The following FSTL5 variants were observed in gnomAD, a reference collection of about 807,000 sequenced individuals.
FSTL5 encodes the protein follistatin like 5, also known as follistatin-related protein 5.
In FSTL5, 62 loss-of-function variants were observed where a neutral mutation model predicts 89.1. That is an observed-to-expected ratio of 0.70 (90% CI 0.57 to 0.86). FSTL5 has a LOEUF of 0.86. Ranked by LOEUF, FSTL5 falls within the 40% of genes least tolerant of loss-of-function variation. The pLI, the probability that FSTL5 is intolerant of heterozygous loss-of-function variation, is 0.00. For missense variants in FSTL5, 1,057 were observed against 1,001.6 expected (o/e 1.06, Z -0.75); for synonymous variants, 383 against 346.2 (o/e 1.11, Z -1.18).
At chr4:162,161,093 T>A (rs1377975499) in intron 1 of FSTL5, among the ~76,000 whole-genome samples, 2 of 151,928 alleles carry the variant, frequency 1.3e-5, no homozygotes, top group African/African-American at 2.4e-5. Flanking sequence ...GTAGACTTTA[T>A]GAAGTTCATC....
intron 2 of FSTL5, among the ~76,000 whole-genome samples, chr4:162,044,100 CAGA>C (rs1455799641): frequency 6.6e-6 from 1 of 152,072 alleles, no homozygotes; most frequent in Non-Finnish European, 1.5e-5. Flanking sequence ...GAATCCTTTC[CAGA>C]AGGTTTTTAA....
chr4:161,452,308 T>C (rs1417006544), intron 15 of FSTL5, among the ~76,000 whole-genome samples: 1 of 152,096 alleles, frequency 6.6e-6, no homozygotes, highest in Non-Finnish European at 1.5e-5. Flanking sequence ...AAACTCCGTC[T>C]CTACTAAAAA....
intron 6 of FSTL5, among the ~76,000 whole-genome samples, chr4:161,656,966 G>C (rs1160638528): frequency 1.3e-5 from 2 of 152,220 alleles, no homozygotes; most frequent in Admixed American, 1.3e-4. Flanking sequence ...TGTTTGGGAA[G>C]TTGAAGAAGT....
At chr4:161,641,244 T>A (rs940299717) in intron 7 of FSTL5, among the ~76,000 whole-genome samples, 20 of 152,218 alleles carry the variant, frequency 1.3e-4, no homozygotes, top group African/African-American at 4.8e-4. Flanking sequence ...AAGGACATTG[T>A]AGCTCCACTT....
chr4:161,476,380 T>A (rs1359150329), intron 13 of FSTL5, among the ~76,000 whole-genome samples: 1 of 151,920 alleles, frequency 6.6e-6, no homozygotes, highest in Non-Finnish European at 1.5e-5. Context: ...AGAGACACGG[T>A]TTCTCCATGT....
chr4:161,926,399 T>TTTTTTTG (rs1553983051), intron 3 of FSTL5, among the ~76,000 whole-genome samples: 45 of 30,042 alleles, frequency 1.5e-3, no homozygotes, highest in African/African-American at 5.1e-3. Context: ...AGAAGGTTTT[T>TTTTTTTG]TTTTTTTGTT....
chr4:161,884,864 T>C (rs1008335456), intron 4 of FSTL5, among the ~76,000 whole-genome samples: 1 of 152,164 alleles, frequency 6.6e-6, no homozygotes, highest in Non-Finnish European at 1.5e-5. Flanking sequence ...TAGACCAAAT[T>C]CAATTTCTGC....
chr4:161,439,732 A>ACACC (rs1553986436), intron 15 of FSTL5, among the ~76,000 whole-genome samples: 2 of 151,342 alleles, frequency 1.3e-5, no homozygotes, highest in African/African-American at 4.9e-5. Flanking sequence ...ACACACACAC[A>ACACC]CCCCACACGC....
chr4:162,079,119 A>G (rs57609800), intron 2 of FSTL5, among the ~76,000 whole-genome samples: 66,281 of 151,544 alleles, frequency 0.44, 15,217 homozygotes, highest in Middle Eastern at 0.56. Context: ...TGCAAATATC[A>G]ACTATTTGAA....
At chr4:161,737,228 A>T (rs1304508212) in intron 6 of FSTL5, among the ~76,000 whole-genome samples, 3 of 152,102 alleles carry the variant, frequency 2.0e-5, no homozygotes, top group African/African-American at 7.2e-5. Context: ...AATATCTGAC[A>T]TGTCCATAAA....
chr4:162,045,515 T>A (rs1578982118), intron 2 of FSTL5, among the ~76,000 whole-genome samples: 2 of 152,140 alleles, frequency 1.3e-5, no homozygotes, highest in East Asian at 3.9e-4. Flanking sequence ...CCTGTAATAA[T>A]TAAAAATTTT....
chr4:161,959,550 G>T (rs1271653476), intron 3 of FSTL5, among the ~76,000 whole-genome samples: 1 of 151,950 alleles, frequency 6.6e-6, no homozygotes, highest in African/African-American at 2.4e-5. Flanking sequence ...TGAGATAATG[G>T]TAATGATAGC....
chr4:161,698,477 G>T (rs974773049), intron 6 of FSTL5, among the ~76,000 whole-genome samples: 2 of 152,162 alleles, frequency 1.3e-5, no homozygotes, highest in African/African-American at 4.8e-5. Context: ...CAATGATGAG[G>T]TATTGTATTC....
intron 8 of FSTL5, among the ~76,000 whole-genome samples, chr4:161,559,755 A>C (rs1732522388): frequency 6.6e-6 from 1 of 151,958 alleles, no homozygotes; most frequent in Non-Finnish European, 1.5e-5. Context: ...GCCTTACTTA[A>C]TGAAGGTGCT....
At chr4:162,116,082 T>C (rs1186665511) in intron 1 of FSTL5, among the ~76,000 whole-genome samples, 1 of 152,194 alleles carries the variant, frequency 6.6e-6, no homozygotes, top group Non-Finnish European at 1.5e-5. Flanking sequence ...TATCCTCACC[T>C]GCCTCTCACT....
At chr4:162,033,830 G>A (rs1157704889) in intron 2 of FSTL5, among the ~76,000 whole-genome samples, 172 bp from the exon 3 acceptor site, 1 of 151,792 alleles carries the variant, frequency 6.6e-6, no homozygotes, top group African/African-American at 2.4e-5. Context: ...AGAGCATTTT[G>A]CCCTGTTGCC....
At chr4:161,665,206 T>A (rs1736845359) in intron 6 of FSTL5, among the ~76,000 whole-genome samples, 1 of 152,128 alleles carries the variant, frequency 6.6e-6, no homozygotes. Context: ...TTTGTTTTTG[T>A]TTTTTAAAGA....
At chr4:161,667,400 T>C (rs1240268386) in intron 6 of FSTL5, among the ~76,000 whole-genome samples, 1 of 152,088 alleles carries the variant, frequency 6.6e-6, no homozygotes, top group Non-Finnish European at 1.5e-5. Flanking sequence ...AGTAGTCAAG[T>C]TAATATTAAC....
chr4:161,534,144 G>C (rs1440179698), intron 10 of FSTL5, among the ~76,000 whole-genome samples: 2 of 152,078 alleles, frequency 1.3e-5, no homozygotes, highest in Non-Finnish European at 2.9e-5. Flanking sequence ...GCAAAAGCTG[G>C]AAGTATTTCT....
Sources: gnomAD v4.1 joint callset for allele counts (sites outside exome capture counted in the v4.1 genomes callset) on GRCh38, gnomAD v4.1.1 for gene constraint, MANE v1.5 for transcripts, NCBI Gene and HGNC (gene_info 2026-07-23, HGNC 2026-07-21) for gene names.